Variants in SYNE2 observed in about 807,000 individuals in gnomAD.
SYNE2 encodes the protein nesprin-2.
In SYNE2, 431 loss-of-function variants were observed where a neutral mutation model predicts 856.3. The ratio of observed to expected loss-of-function variants is 0.50; its 90% CI spans 0.47 to 0.55. SYNE2 has a LOEUF of 0.55. SYNE2 is among the 20% of genes least tolerant of loss of function. The probability of loss-of-function intolerance (pLI) is 0.00; values close to 1 mark genes in which losing one functional copy is unlikely to be tolerated. For synonymous variants in SYNE2, 2,923 were observed against 2,872.3 expected (o/e 1.02, Z -0.56); for missense variants, 8,129 against 8,023.2 (o/e 1.01, Z -0.50).
At chr14:63,767,213 C>T (rs2139694946) in intron 1 of SYNE2, among the ~76,000 whole-genome samples, 1 of 151,324 alleles carries the variant, frequency 6.6e-6, no homozygotes, top group South Asian at 2.1e-4. Context: ...TCAAGCAATT[C>T]TCCTGCCTTA....
At chr14:64,113,116 G>A (rs1595602361) in intron 65 of SYNE2, 29 of 985,274 alleles carry the variant, frequency 2.9e-5, no homozygotes, top group African/African-American at 3.5e-5. Context: ...CTCTGTGCCC[G>A]GGAATACTGT....
chr14:64,027,351 CAA>C (rs1025373412), intron 42 of SYNE2, 131 bp from the exon 43 acceptor site: 5 of 604,460 alleles, frequency 8.3e-6, no homozygotes, highest in African/African-American at 1.9e-5. Flanking sequence ...GTTCTAATAT[CAA>C]AAGAGTCTCT....
chr14:64,037,133 C>CTTTT (rs757996897), intron 45 of SYNE2, among the ~76,000 whole-genome samples: 14 of 138,218 alleles, frequency 1.0e-4, no homozygotes, highest in African/African-American at 3.2e-4. Flanking sequence ...ACTGTCTCCT[C>CTTTT]TTTTTTTTTT....
intron 82 of SYNE2, among the ~76,000 whole-genome samples, chr14:64,142,542 C>T (rs1365989512): frequency 2.0e-5 from 3 of 152,144 alleles, no homozygotes; most frequent in Non-Finnish European, 4.4e-5. Flanking sequence ...TGCAAATCCA[C>T]CCCTGACTCT....
Position 64,186,658 on chromosome 14 carries a change from G to C in SYNE2, c.17712+79G>C. The C allele has an allele frequency of 2.5e-6, 4 of 1,597,960 alleles. No homozygotes were observed. In the South Asian group the frequency reaches 4.4e-5, roughly 18 times the overall value. On this transcript the variant is annotated intron_variant, in intron 97 of 115. Coordinates refer to ENST00000555002, the MANE Select transcript of SYNE2 (RefSeq NM_182914.3). ...TGAAGGCCAGACAAAGTAGAAAGGA[G>C]CTTAATTTCATTGAACCGGAGGCCC... is the stretch of plus-strand genomic sequence containing the variant.
rs553454041 is a variant in SYNE2 at position 64,098,141 on chromosome 14, C to T, written c.12301C>T (p.Arg4101Trp). 3.7e-5 allele frequency: 59 copies of T among 1,613,840 alleles called. No homozygotes were observed. Among genetic ancestry groups the T allele is most frequent in the African/African-American group, 1.3e-4 (10 of 74,992 alleles). ...AGTGGCAGAGAGGGATGCTTCTGAGCGGAAGGTGGGTATGACTTTAGGTTA... is the reference window on the plus strand; with the variant it reads ...AGTGGCAGAGAGGGATGCTTCTGAGTGGAAGGTGGGTATGACTTTAGGTTA... ...GGVAERDASE[R>W]KLNRRGSMSY... The change falls in exon 62 of 116, where the codon CGG becomes TGG. Residue 4101 changes from arginine (R) to tryptophan (W), a missense_variant. This residue lies in a region of SYNE2 where 5,410 missense variants were observed against 5,284.8 expected (regional missense o/e 1.02). Transcript: ENST00000555002.
chr14:63,787,824 C>T lies in SYNE2; in HGVS notation c.-305+25838C>T, dbSNP rs565706365. 1.4e-4 allele frequency among the ~76,000 whole-genome samples: 22 copies of T among 152,316 alleles called. No individual in the cohort carries two copies. In the South Asian group the frequency reaches 3.9e-3, roughly 27 times the overall value. The stretch of plus-strand genomic sequence containing the variant: ...TGGACCCACAGGGACTGGCACCTGA[C>T]CTGCAGCCTTCAGGCCCTCCCTGCC... On this transcript the variant is annotated intron_variant, in intron 1 of 23. Transcript: ENST00000674003.
chr14:64,085,065 A>G, intron 57 of SYNE2: 1 of 693,956 alleles, frequency 1.4e-6, no homozygotes, highest in Middle Eastern at 2.3e-4. Context: ...GTCAAGACAG[A>G]AGCCACATTT....
chr14:64,128,560 A>C lies in SYNE2; in HGVS notation c.14019+7A>C, dbSNP rs193073523. ...TGTTGCTGAACAGCTTCAGGTAATC[A>C]AGTCAAAATAATTCAGACTGACTTA... On this transcript the variant is annotated splice_region_variant and intron_variant, in intron 74 of 115. Transcript: ENST00000555002. 3.3e-5 allele frequency: 51 copies of C among 1,551,512 alleles called. No homozygotes were observed. In the African/African-American group the frequency reaches 5.7e-4, roughly 17 times the overall value.
At chr14:64,077,236 A>G (rs1246125799) in intron 54 of SYNE2, among the ~76,000 whole-genome samples, 2 of 152,190 alleles carry the variant, frequency 1.3e-5, no homozygotes, top group Non-Finnish European at 2.9e-5. Flanking sequence ...AAATGGCTAC[A>G]TATGTTTCCT....
chr14:64,083,516 C>A (rs1407929707), intron 57 of SYNE2, among the ~76,000 whole-genome samples: 5 of 152,094 alleles, frequency 3.3e-5, no homozygotes, highest in Non-Finnish European at 5.9e-5. Context: ...TCAGGACATT[C>A]TAAATTGCTA....
In SYNE2 at chr14:63,998,985, C is replaced by G. The variant is rs767376963; in HGVS notation, c.3425C>G (p.Ser1142Cys). The part of the protein sequence containing the change: ...NNKFRITSDF[S>C]SEEDRSSSCL... ...AAATTCAGGATTACTTCTGATTTCT[C>G]TAGTGAAGAGGACAGGAGTAGTTCT... Residue 1142 changes from serine to cysteine, a missense_variant, in exon 27 of 116, where the codon TCT (serine) becomes TGT (cysteine). By Grantham distance (112) the Ser-to-Cys change is moderately radical (BLOSUM62 -1). This residue lies in a region of SYNE2 where 2,422 missense variants were observed against 2,357.4 expected (regional missense o/e 1.03). Coordinates refer to ENST00000555002, the MANE Select transcript of SYNE2 (RefSeq NM_182914.3). 1.5e-5 allele frequency: 25 copies of G among 1,613,792 alleles called. No homozygotes were observed. The African/African-American group carries it at 2.8e-4, about 18-fold the overall frequency.
At position 64,020,207 on chromosome 14, in the gene SYNE2, A is replaced by T. The variant is rs1357467048; in HGVS notation, c.5151+114A>T. ...AACCCTGTCTCTAAAAGAAGAAAAA[A>T]ACGGCCCAATTAAAGATTCTCTATA... On this transcript the variant is annotated intron_variant, in intron 35 of 115. Coordinates refer to ENST00000555002, the MANE Select transcript of SYNE2 (RefSeq NM_182914.3). 3 of 736,204 alleles carry T rather than the reference A, an allele frequency of 4.1e-6. No homozygotes were observed. The African/African-American group carries it at 5.5e-5, about 13-fold the overall frequency. The allele number at this position is 736,204 out of a possible 1,614,324, so 45.6% of individuals were successfully genotyped here.
At position 64,024,373 on chromosome 14, in the gene SYNE2, G is replaced by T. The variant is rs1370576573; in HGVS notation, c.5754G>T (p.Val1918=). 1 of 1,614,124 alleles carries T rather than the reference G, an allele frequency of 6.2e-7. No homozygotes were observed. Among genetic ancestry groups the T allele is most frequent in the South Asian group, 1.1e-5 (1 of 91,076 alleles). The change falls in exon 39 of 116, where the codon GTG becomes GTT. Residue 1918 remains valine, a synonymous_variant. Coordinates refer to ENST00000555002, the MANE Select transcript of SYNE2 (RefSeq NM_182914.3). The stretch of plus-strand genomic sequence containing the variant: ...TGAAGGAGCTTATCAGTTGGCTCGT[G>T]GGTCAGGAATTCGAATTAGAAAAAA... ...AHVKELISWL[V]GQEFELEKME... is the part of the protein sequence containing the mutation.
intron 12 of SYNE2, among the ~76,000 whole-genome samples, chr14:63,977,140 G>T (rs2096549831): frequency 1.3e-5 from 2 of 152,106 alleles, no homozygotes. Flanking sequence ...ATAAATAAAA[G>T]ATTGTAATAA....
rs139966645 is a variant in SYNE2 at position 64,051,181 on chromosome 14, G to C, written c.7644-376G>C. On this transcript the variant is annotated intron_variant, in intron 47 of 115. Transcript: ENST00000555002. ...GATGACAAGGGGGTTGGATATTATG[G>C]CAATATCTCTCATTCCTAGACTAAC... 1.5e-3 allele frequency among the ~76,000 whole-genome samples: 234 copies of C among 152,144 alleles called. 1 individual carries two copies. Among genetic ancestry groups the C allele is most frequent in the African/African-American group, 5.2e-3 (215 of 41,500 alleles).
chr14:64,101,482 C>T (rs2097728909), intron 63 of SYNE2, among the ~76,000 whole-genome samples: 1 of 152,102 alleles, frequency 6.6e-6, no homozygotes, highest in African/African-American at 2.4e-5. Flanking sequence ...GATGGGATCT[C>T]ACTCTGTTGC....
At chr14:63,984,928 C>T (rs149928908) in intron 18 of SYNE2, among the ~76,000 whole-genome samples, 39 of 152,248 alleles carry the variant, frequency 2.6e-4, no homozygotes, top group African/African-American at 8.7e-4. Flanking sequence ...GAGGCTGAGG[C>T]AAGAGGATTG....
chr14:64,126,194 C>A, intron 71 of SYNE2, 133 bp from the exon 72 acceptor site: 3 of 768,888 alleles, frequency 3.9e-6, no homozygotes, highest in South Asian at 1.7e-5. Flanking sequence ...ACCTAGTTCA[C>A]AAAGCGTTTG....
Sources: allele counts gnomAD v4.1 joint callset (sites outside exome capture counted in the v4.1 genomes callset), GRCh38; gene constraint gnomAD v4.1.1; regional missense constraint gnomAD v4.1.1; transcripts MANE v1.5; gene names NCBI Gene and HGNC (gene_info 2026-07-23, HGNC 2026-07-21).